The following RLN1 variants were observed in gnomAD, a reference collection of about 807,000 sequenced individuals.
The protein encoded by RLN1 is relaxin 1.
A neutral mutation model predicts 7.2 loss-of-function variants in RLN1; 4 were observed. That is an observed-to-expected ratio of 0.56 (90% CI 0.28 to 1.28). The LOEUF is 1.28. Ranked by LOEUF, RLN1 falls within the 50% of genes most tolerant of loss-of-function variation. The pLI is 0.11. For synonymous variants in RLN1, 105 were observed against 86.0 expected, an observed-to-expected ratio of 1.22 and a Z score of -1.22; for missense variants, 293 against 221.1, an observed-to-expected ratio of 1.32 and a Z score of -2.06.
Position 5,339,401 on chromosome 9 carries a change from G to T in RLN1, c.211+135C>A, listed in dbSNP as rs1000180247. 12 of 600,092 alleles carry T rather than the reference G, an allele frequency of 2.0e-5. No individual in the cohort carries two copies. In the African/African-American group the frequency reaches 2.2e-4, roughly 11 times the overall value. The allele number at this position is 600,092 out of a possible 1,614,324, so 37.2% of individuals were successfully genotyped here. A position where few individuals can be genotyped will look rare whatever the true frequency, so the allele number is the denominator to read the frequency against. ...AGCCCAAACTTTAGGGACCAGCCAC[G>T]GCTGAGTAGGGGCTGAGCGGTGGCA... On this transcript the variant is annotated intron_variant, in intron 1 of 1. Transcript: ENST00000223862.
At chr9:5,336,971 G>C (rs1301379397) in intron 1 of RLN1, among the ~76,000 whole-genome samples, 1 of 151,836 alleles carries the variant, frequency 6.6e-6, no homozygotes, top group African/African-American at 2.4e-5. Context: ...TCAACAGTTG[G>C]AGTTTGACAG....
chr9:5,340,195 C>G (rs1816963924), upstream of RLN1, among the ~76,000 whole-genome samples: 1 of 152,080 alleles, frequency 6.6e-6, no homozygotes, highest in Non-Finnish European at 1.5e-5. Flanking sequence ...CCCTTCTAAC[C>G]TAAATAGGAT....
At position 5,339,738 on chromosome 9, in the gene RLN1, G is replaced by A. The variant is rs56235721; in HGVS notation, c.9C>T (p.Arg3=). Residue 3 remains arginine (R), a synonymous_variant, in exon 1 of 2, where the codon CGC becomes CGT. Coordinates refer to ENST00000223862, the MANE Select transcript of RLN1 (RefSeq NM_006911.4). MP[R]LFLFHLLEFC... Reference sequence around the variant, plus strand: ...ATTCTAGCAGGTGGAACAAGAACAGGCGAGGCATCCTGGGCCTGGTCTCTC... The same window carrying A: ...ATTCTAGCAGGTGGAACAAGAACAGACGAGGCATCCTGGGCCTGGTCTCTC... 0.041 allele frequency: 65,832 copies of A among 1,613,334 alleles called. 1,736 individuals carry two copies. Among genetic ancestry groups the A allele is most frequent in the African/African-American group, 0.071 (5,271 of 74,396 alleles).
chr9:5,337,511 C>T (rs1013658376), intron 1 of RLN1, among the ~76,000 whole-genome samples: 1 of 151,912 alleles, frequency 6.6e-6, no homozygotes, highest in Admixed American at 6.6e-5. Context: ...TAAAGCGGAT[C>T]TTATTTTTAA....
intron 1 of RLN1, 40 bp from the exon 2 acceptor site, chr9:5,335,637 C>T (rs771560230): frequency 7.5e-7 from 1 of 1,332,884 alleles, no homozygotes; most frequent in South Asian, 1.3e-5. Flanking sequence ...AAGGCGTATT[C>T]ACGTCAAAGA....
rs1816859389 is a variant in RLN1, at chr9:5,335,192, T to G, written c.*59A>C. 9.9e-7 allele frequency: 1 copy of G among 1,012,276 alleles called. No homozygotes were observed. The highest frequency in any genetic ancestry group is 1.4e-6 in the Non-Finnish European group (1 of 690,446). 62.7% of individuals were successfully genotyped at this position (1,012,276 alleles called of 1,614,324 possible). ...TAGTGGGACCTGACAGAAGCATCAG[T>G]GAAATGTCATCAAGACTATGTGTGA... On this transcript the variant is annotated 3_prime_UTR_variant, in exon 2 of 2. Transcript: ENST00000223862.
intron 1 of RLN1, among the ~76,000 whole-genome samples, chr9:5,335,806 T>C (rs1677801129): frequency 6.6e-6 from 1 of 152,036 alleles, no homozygotes; most frequent in Admixed American, 6.6e-5. Flanking sequence ...AAGGCTCTGC[T>C]TTACCCCATT....
intron 1 of RLN1, among the ~76,000 whole-genome samples, chr9:5,336,260 A>G (rs895735077): frequency 3.9e-5 from 6 of 152,082 alleles, no homozygotes; most frequent in African/African-American, 9.7e-5. Context: ...AAGATCACTA[A>G]CCAAAAATCA....
chr9:5,337,905 CTTTAAG>C (rs966636599), intron 1 of RLN1, among the ~76,000 whole-genome samples: 3 of 152,100 alleles, frequency 2.0e-5, no homozygotes, highest in Non-Finnish European at 4.4e-5. Flanking sequence ...ACCAAAGAAT[CTTTAAG>C]TTTATGTGGC....
chr9:5,336,765 A>G (rs543093073), intron 1 of RLN1, among the ~76,000 whole-genome samples: 1 of 152,062 alleles, frequency 6.6e-6, no homozygotes, highest in East Asian at 1.9e-4. Context: ...CCAAGGCATT[A>G]CTCTTGAAAT....
chr9:5,340,681 T>A (rs181883181), upstream of RLN1, among the ~76,000 whole-genome samples: 2 of 152,230 alleles, frequency 1.3e-5, no homozygotes, highest in Admixed American at 1.3e-4. Flanking sequence ...TGCACCTGGT[T>A]AGAGGTGATT....
At chr9:5,340,081 AG>A (rs1816961980), upstream of RLN1, among the ~76,000 whole-genome samples, 1 of 152,200 alleles carries the variant, frequency 6.6e-6, no homozygotes, top group African/African-American at 2.4e-5. Flanking sequence ...ACTTAGGTAA[AG>A]TTATTTTAGA....
chr9:5,337,774 A>C (rs1291165932), intron 1 of RLN1, among the ~76,000 whole-genome samples: 1 of 152,072 alleles, frequency 6.6e-6, no homozygotes, highest in Non-Finnish European at 1.5e-5. Context: ...AATAAAGAAA[A>C]TTCTTTAAAA....
At chr9:5,335,769 G>A (rs1007056241) in intron 1 of RLN1, among the ~76,000 whole-genome samples, 172 bp from the exon 2 acceptor site, 1 of 151,952 alleles carries the variant, frequency 6.6e-6, no homozygotes, top group Non-Finnish European at 1.5e-5. Context: ...CTTACAGTTG[G>A]ACACCTTAAA....
rs1476715630 is a variant in RLN1 at position 5,339,648 on chromosome 9, T to C, written c.99A>G (p.Lys33=). ...CGCGAACTAATTCGCGGCCGCATAA[T>C]TTAATAACATCGTCCTTCCATTTGG... ...VAAKWKDDVI[K]LCGRELVRAQ... Residue 33 remains lysine, a synonymous_variant, in exon 1 of 2, where the codon AAA becomes AAG. Coordinates refer to ENST00000223862, the MANE Select transcript of RLN1 (RefSeq NM_006911.4). 1 of 1,612,884 alleles carries C rather than the reference T, an allele frequency of 6.2e-7. No individual in the cohort carries two copies. Among genetic ancestry groups the C allele is most frequent in the Non-Finnish European group, 8.5e-7 (1 of 1,180,022 alleles).
At chr9:5,340,887 G>GT (rs1158635912), upstream of RLN1, among the ~76,000 whole-genome samples, 1 of 152,184 alleles carries the variant, frequency 6.6e-6, no homozygotes, top group Non-Finnish European at 1.5e-5. Context: ...CATGCAGGAC[G>GT]TTATGGTAGC....
rs990678360 is a variant in RLN1 at position 5,339,536 on chromosome 9, C to A, written c.211G>T (p.Glu71Ter). The A allele has an allele frequency of 3.8e-6, 6 of 1,573,934 alleles. No individual in the cohort carries two copies. The change falls in exon 1 of 2, where the codon GAA becomes TAA. Residue 71 changes from glutamate to a stop codon, truncating the protein, a stop_gained and splice_region_variant. Coordinates refer to ENST00000223862, the MANE Select transcript of RLN1 (RefSeq NM_006911.4). LOFTEE classifies it low-confidence loss of function (END_TRUNC). Reference protein sequence around the residue: ...DAPQTPRPVAEIVPSFINKDT... With the variant: ...DAPQTPRPVA ...GCCGGGAGGGGGCGGGAGCTCTCACCTGCCACTGGTCTAGGTGTCTGAGGA... is the reference window on the plus strand; with the variant it reads ...GCCGGGAGGGGGCGGGAGCTCTCACATGCCACTGGTCTAGGTGTCTGAGGA...
chr9:5,340,881 C>G (rs1816977817), upstream of RLN1, among the ~76,000 whole-genome samples: 2 of 152,278 alleles, frequency 1.3e-5, no homozygotes, highest in East Asian at 3.9e-4. Context: ...TGGAGACATG[C>G]AGGACGTTAT....
At chr9:5,339,356 A>C (rs1415152906) in intron 1 of RLN1, 180 bp downstream of exon 1, 7 of 517,186 alleles carry the variant, frequency 1.4e-5, no homozygotes, top group East Asian at 3.0e-5. Context: ...TGTTTGAATA[A>C]AATCACCTGG....
Sources: allele counts gnomAD v4.1 joint callset (sites outside exome capture counted in the v4.1 genomes callset), GRCh38; gene constraint gnomAD v4.1.1; transcripts MANE v1.5; gene names NCBI Gene and HGNC (gene_info 2026-07-23, HGNC 2026-07-21).